The following GRIP1 variants were observed in gnomAD, a reference collection of about 807,000 sequenced individuals.
The protein encoded by GRIP1 is glutamate receptor-interacting protein 1.
Under a neutral mutation model 129.9 loss-of-function variants are expected in GRIP1, and 45 were observed. That is an observed-to-expected ratio of 0.35 (90% confidence interval 0.27 to 0.44). GRIP1 has a LOEUF of 0.44. Among genes scored for constraint, GRIP1 ranks in the 20% least tolerant of loss-of-function variants. The probability of loss-of-function intolerance (pLI) is 1.00; values close to 1 mark genes in which losing one functional copy is unlikely to be tolerated. For missense variants in GRIP1, 1,196 were observed against 1,396.8 expected (o/e 0.86, Z 2.29); for synonymous variants, 530 against 520.8 (o/e 1.02, Z -0.24).
At chr12:66,981,942 T>C (rs1426272908) in intron 1 of GRIP1, among the ~76,000 whole-genome samples, 4 of 152,330 alleles carry the variant, frequency 2.6e-5, no homozygotes, top group Admixed American at 6.5e-5. Flanking sequence ...GGCTACATTG[T>C]GTTACACTGA....
At chr12:66,524,143 C>T (rs9737649) in intron 5 of GRIP1, among the ~76,000 whole-genome samples, 14,568 of 151,988 alleles carry the variant, frequency 0.096, 831 homozygotes, top group East Asian at 0.24. Flanking sequence ...AACAAGGATA[C>T]CCAGGAATTG....
At chr12:66,487,061 G>A (rs2059975609) in intron 7 of GRIP1, among the ~76,000 whole-genome samples, 1 of 152,174 alleles carries the variant, frequency 6.6e-6, no homozygotes, top group African/African-American at 2.4e-5. Flanking sequence ...AAAGTGCTGG[G>A]ATTACAGATG....
At chr12:66,945,184 AGGTTCAGG>A (rs1420789448) in intron 1 of GRIP1, among the ~76,000 whole-genome samples, 1 of 152,092 alleles carries the variant, frequency 6.6e-6, no homozygotes, top group East Asian at 1.9e-4. Context: ...CTTTTATGTT[AGGTTCAGG>A]AGTCCATGTG....
At chr12:66,732,366 A>G (rs1207652896) in intron 1 of GRIP1, among the ~76,000 whole-genome samples, 2 of 152,152 alleles carry the variant, frequency 1.3e-5, no homozygotes, top group East Asian at 3.9e-4. Context: ...AGCCTGAGCA[A>G]CATAGTGAGA....
chr12:67,038,843 A>T (rs1178013991), intron 1 of GRIP1, among the ~76,000 whole-genome samples: 1 of 152,168 alleles, frequency 6.6e-6, no homozygotes, highest in Non-Finnish European at 1.5e-5. Flanking sequence ...TCTACAATTG[A>T]CTTTTAAAAA....
At chr12:66,770,536 C>T (rs1258668001) in intron 1 of GRIP1, among the ~76,000 whole-genome samples, 3 of 152,064 alleles carry the variant, frequency 2.0e-5, no homozygotes, top group African/African-American at 7.2e-5. Flanking sequence ...AAATAGCAAG[C>T]TGACGGTCAC....
intron 1 of GRIP1, among the ~76,000 whole-genome samples, chr12:66,789,037 C>A (rs2038446440): frequency 6.6e-6 from 1 of 152,138 alleles, no homozygotes; most frequent in South Asian, 2.1e-4. Flanking sequence ...TTTTCCAAGA[C>A]AACTCTCAAT....
At chr12:66,926,955 C>T (rs933474875) in intron 1 of GRIP1, among the ~76,000 whole-genome samples, 2 of 152,202 alleles carry the variant, frequency 1.3e-5, no homozygotes, top group African/African-American at 4.8e-5. Context: ...TTAGAATGCT[C>T]ATCATTCATT....
At chr12:66,703,351 A>G (rs2136362226) in intron 1 of GRIP1, among the ~76,000 whole-genome samples, 1 of 152,256 alleles carries the variant, frequency 6.6e-6, no homozygotes, top group African/African-American at 2.4e-5. Context: ...AAAGTCATGA[A>G]CTTCAGAAAG....
At chr12:66,417,377 G>A (rs924097502) in intron 15 of GRIP1, among the ~76,000 whole-genome samples, 1 of 152,048 alleles carries the variant, frequency 6.6e-6, no homozygotes, top group Non-Finnish European at 1.5e-5. Context: ...TCTAAGATCT[G>A]GTACACAACA....
Position 66,788,156 on chromosome 12 carries a change from C to G in GRIP1, c.-420+15897G>C, listed in dbSNP as rs895677235. On this transcript the variant is annotated intron_variant, in intron 1 of 4. Transcript: ENST00000538373. ...AGCAAAGTTGAGTGCCAATGGAGAA[C>G]AGAACAGAATTCTGCTGCACCTACT... Among the ~76,000 whole-genome samples, 3 of 151,828 alleles carry G rather than the reference C, an allele frequency of 2.0e-5. No homozygotes were observed. In the East Asian group the frequency reaches 5.8e-4, roughly 29 times the overall value.
upstream of GRIP1, among the ~76,000 whole-genome samples, chr12:66,806,900 G>A (rs187285396): frequency 6.6e-6 from 1 of 152,072 alleles, no homozygotes; most frequent in African/African-American, 2.4e-5. Context: ...TGCTGGGGAG[G>A]AGGAGTTCAG....
chr12:66,761,544 T>C (rs2037476257), intron 1 of GRIP1, among the ~76,000 whole-genome samples: 1 of 152,140 alleles, frequency 6.6e-6, no homozygotes, highest in African/African-American at 2.4e-5. Context: ...CTTTTCCTTG[T>C]TCCCCGTCAC....
At chr12:67,069,281 G>T, upstream of GRIP1, 1 of 189,660 alleles carries the variant, frequency 5.3e-6, no homozygotes, top group Non-Finnish European at 9.4e-6. Flanking sequence ...CGCGCCCCGC[G>T]CTCCCCTCAA....
chr12:66,569,360 C>T (rs1404736501), intron 2 of GRIP1, among the ~76,000 whole-genome samples: 1 of 152,096 alleles, frequency 6.6e-6, no homozygotes, highest in African/African-American at 2.4e-5. Context: ...GCCTGCAATC[C>T]CAGCTACTGG....
intron 1 of GRIP1, among the ~76,000 whole-genome samples, chr12:66,694,307 A>G (rs981912772): frequency 4.6e-5 from 7 of 152,130 alleles, no homozygotes; most frequent in African/African-American, 1.7e-4. Flanking sequence ...TGAGCTTTGT[A>G]GTTTTGAGTT....
At chr12:66,386,654 A>C (rs2056374443) in intron 19 of GRIP1, among the ~76,000 whole-genome samples, 1 of 152,210 alleles carries the variant, frequency 6.6e-6, no homozygotes, top group South Asian at 2.1e-4. Context: ...AAAAGAAAAA[A>C]AAATAGAATT....
At chr12:66,688,770 T>C (rs960103111) in intron 1 of GRIP1, among the ~76,000 whole-genome samples, 1 of 144,716 alleles carries the variant, frequency 6.9e-6, no homozygotes, top group Non-Finnish European at 1.5e-5. Context: ...TCACTGACTC[T>C]GAAAAAAAAA....
intron 4 of GRIP1, among the ~76,000 whole-genome samples, chr12:66,536,047 T>G (rs1435072573): frequency 3.3e-5 from 5 of 152,328 alleles, no homozygotes; most frequent in African/African-American, 1.2e-4. Flanking sequence ...CAGCTGCTCA[T>G]GCTCAAAACC....
Sources: gnomAD v4.1 joint callset for allele counts (sites outside exome capture counted in the v4.1 genomes callset) on GRCh38, gnomAD v4.1.1 for gene constraint, MANE v1.5 for transcripts, NCBI Gene and HGNC (gene_info 2026-07-23, HGNC 2026-07-21) for gene names.